The following AKT3 variants were observed in gnomAD, a reference collection of about 807,000 sequenced individuals.
AKT3 encodes the protein AKT serine/threonine kinase 3.
In AKT3, 15 loss-of-function variants were observed where a neutral mutation model predicts 65.3. That is an observed-to-expected ratio of 0.23 (90% CI 0.15 to 0.35). AKT3 has a LOEUF of 0.35. Among genes scored for constraint, AKT3 ranks in the 10% least tolerant of loss-of-function variants. The pLI, the probability that AKT3 is intolerant of heterozygous loss-of-function variation, is 1.00. For missense variants in AKT3, 243 were observed against 576.5 expected (o/e 0.42, Z 5.92); for synonymous variants, 206 against 183.8 (o/e 1.12, Z -0.98).
intron 2 of AKT3, among the ~76,000 whole-genome samples, chr1:243,795,462 G>GTTTTTTTTTTTTGTTTTTTTTTTTTTTTT (rs1691914627): frequency 9.5e-6 from 1 of 105,400 alleles, no homozygotes; most frequent in Non-Finnish European, 1.9e-5. Flanking sequence ...TTTTTTTTTT[G>GTTTTTTTTTTTTGTTTTTTTTTTTTTTTT]TTTTTTTTTT....
intron 2 of AKT3, among the ~76,000 whole-genome samples, chr1:243,702,552 GT>G (rs1685534605): frequency 6.6e-6 from 1 of 152,134 alleles, no homozygotes; most frequent in Admixed American, 6.5e-5. Flanking sequence ...TTGTTAGCAA[GT>G]GATACTAATA....
At chr1:243,810,329 C>T (rs1298473385) in intron 2 of AKT3, among the ~76,000 whole-genome samples, 1 of 151,996 alleles carries the variant, frequency 6.6e-6, no homozygotes. Flanking sequence ...CACAATAAAA[C>T]ATGATAAAGG....
chr1:243,625,616 C>A (rs1158427172), intron 6 of AKT3, among the ~76,000 whole-genome samples: 1 of 152,054 alleles, frequency 6.6e-6, no homozygotes, highest in Admixed American at 6.6e-5. Flanking sequence ...CCACCAGGAA[C>A]ATTGTCCAAA....
chr1:243,489,086 G>A lies in AKT3; in HGVS notation c.*7-636C>T, dbSNP rs952300030. The A allele has an allele frequency of 3.1e-6, 5 of 1,613,272 alleles. No individual in the cohort carries two copies. In the African/African-American group the frequency reaches 4.0e-5, roughly 13 times the overall value. ...TGCAGCTCCTCAGCAAGCAGAACCAGCTTCTCCTGGAGAGGCAGAGCCTGT... is the reference window on the plus strand; with the variant it reads ...TGCAGCTCCTCAGCAAGCAGAACCAACTTCTCCTGGAGAGGCAGAGCCTGT... On this transcript the variant is annotated intron_variant, in intron 13 of 13. Transcript: ENST00000336199.
At position 243,690,655 on chromosome 1, in the gene AKT3, C is replaced by T. The variant is rs117175248; in HGVS notation, c.172+4936G>A. Among the ~76,000 whole-genome samples, 3 of 151,748 alleles carry T rather than the reference C, an allele frequency of 2.0e-5. No homozygotes were observed. In the East Asian group the frequency reaches 5.8e-4, roughly 29 times the overall value. On this transcript the variant is annotated intron_variant, in intron 3 of 13. Transcript: ENST00000673466. ...TTTCCATTCTCCATGTCAAAGGATA[C>T]CTAGTAATTTAAGTGCTGGAAATGG... is the stretch of plus-strand genomic sequence containing the variant.
At chr1:243,586,629 A>G (rs1240567722) in intron 8 of AKT3, among the ~76,000 whole-genome samples, 1 of 152,222 alleles carries the variant, frequency 6.6e-6, no homozygotes, top group Non-Finnish European at 1.5e-5. Flanking sequence ...ACAGGAACAG[A>G]AAACCAAATA....
intron 12 of AKT3, among the ~76,000 whole-genome samples, chr1:243,535,708 G>C (rs1021593072): frequency 1.3e-5 from 2 of 152,056 alleles, no homozygotes; most frequent in Non-Finnish European, 2.9e-5. Context: ...GTATCCTTTT[G>C]TATAGAATGA....
At chr1:243,555,909 T>G (rs922576679) in intron 10 of AKT3, among the ~76,000 whole-genome samples, 3 of 152,164 alleles carry the variant, frequency 2.0e-5, no homozygotes, top group African/African-American at 7.2e-5. Flanking sequence ...AAGCAGACAT[T>G]TGGTATTTCC....
intron 2 of AKT3, among the ~76,000 whole-genome samples, chr1:243,716,095 G>A (rs906692635): frequency 2.0e-5 from 3 of 152,050 alleles, no homozygotes; most frequent in African/African-American, 4.8e-5. Context: ...TGTTTTAAAA[G>A]CTTCTAATAA....
chr1:243,653,101 T>TAGCCAGACTA (rs1233813242), intron 4 of AKT3, among the ~76,000 whole-genome samples: 25 of 151,944 alleles, frequency 1.6e-4, no homozygotes, highest in Non-Finnish European at 3.4e-4. Flanking sequence ...GATAGACCTC[T>TAGCCAGACTA]AGCCAGACTA....
At chr1:243,514,861 G>A (rs1417147389) in intron 12 of AKT3, among the ~76,000 whole-genome samples, 1 of 152,066 alleles carries the variant, frequency 6.6e-6, no homozygotes, top group East Asian at 1.9e-4. Context: ...CAACTGATAC[G>A]TTTTGACATA....
At chr1:243,738,106 T>C (rs958100778) in intron 2 of AKT3, among the ~76,000 whole-genome samples, 10 of 152,246 alleles carry the variant, frequency 6.6e-5, no homozygotes, top group Non-Finnish European at 1.3e-4. Context: ...ACCATTTTTT[T>C]CACATTTGCA....
chr1:243,550,299 T>C (rs1012555100), intron 11 of AKT3, among the ~76,000 whole-genome samples: 1 of 152,200 alleles, frequency 6.6e-6, no homozygotes, highest in African/African-American at 2.4e-5. Context: ...TATTAGATCA[T>C]TGAAAATACT....
At chr1:243,818,511 T>C (rs1693664650) in intron 2 of AKT3, among the ~76,000 whole-genome samples, 1 of 152,110 alleles carries the variant, frequency 6.6e-6, no homozygotes. Flanking sequence ...AATTTTTTAC[T>C]CCTCAAAAGT....
At chr1:243,685,366 G>A (rs1049318989) in intron 3 of AKT3, among the ~76,000 whole-genome samples, 1 of 152,156 alleles carries the variant, frequency 6.6e-6, no homozygotes, top group Non-Finnish European at 1.5e-5. Context: ...AAAGTGTAAG[G>A]AAGGGGTCCA....
intron 2 of AKT3, among the ~76,000 whole-genome samples, chr1:243,825,368 A>T (rs1694105774): frequency 6.6e-6 from 1 of 152,236 alleles, no homozygotes; most frequent in Non-Finnish European, 1.5e-5. Flanking sequence ...CTATGTAACA[A>T]ACCTGCATGT....
At chr1:243,750,412 CACACA>C in intron 2 of AKT3, among the ~76,000 whole-genome samples, 1 of 44,042 alleles carries the variant, frequency 2.3e-5, no homozygotes, top group South Asian at 6.5e-4. Flanking sequence ...CACGTATACA[CACACA>C]CACACACACA....
At chr1:243,820,018 G>C (rs188356872) in intron 2 of AKT3, among the ~76,000 whole-genome samples, 1 of 152,034 alleles carries the variant, frequency 6.6e-6, no homozygotes, top group Non-Finnish European at 1.5e-5. Flanking sequence ...TCCCAGGTTC[G>C]AGCAATTCTC....
At chr1:243,607,382 A>AG (rs1447548871) in intron 8 of AKT3, among the ~76,000 whole-genome samples, 1 of 152,258 alleles carries the variant, frequency 6.6e-6, no homozygotes, top group Non-Finnish European at 1.5e-5. Flanking sequence ...TCTGGATGTC[A>AG]GACACGGAGT....
Sources: allele counts gnomAD v4.1 joint callset (sites outside exome capture counted in the v4.1 genomes callset), GRCh38; gene constraint gnomAD v4.1.1; transcripts MANE v1.5; gene names NCBI Gene and HGNC (gene_info 2026-07-23, HGNC 2026-07-21).